CDKL4: variants seen among roughly 807,000 people sequenced by gnomAD.
CDKL4 encodes the protein cyclin-dependent kinase-like 4.
CDKL4 carries 44 observed loss-of-function variants against 42.0 expected under a neutral mutation model. That is an observed-to-expected ratio of 1.05 (90% confidence interval 0.82 to 1.35). CDKL4 has a LOEUF of 1.35. CDKL4 is among the 40% of genes most tolerant of loss of function. The pLI is 0.00. For missense variants in CDKL4, 393 were observed against 369.9 expected, an observed-to-expected ratio of 1.06 and a Z score of -0.51; for synonymous variants, 120 against 121.6, an observed-to-expected ratio of 0.99 and a Z score of 0.09.
intron 3 of CDKL4, among the ~76,000 whole-genome samples, chr2:39,218,564 A>G (rs1678092909): frequency 6.6e-6 from 1 of 152,190 alleles, no homozygotes; most frequent in Non-Finnish European, 1.5e-5. Context: ...GAAGGGATTC[A>G]CATTTGAATC....
intron 3 of CDKL4, among the ~76,000 whole-genome samples, chr2:39,220,208 ACTTCT>A (rs1678217525): frequency 1.3e-5 from 2 of 152,118 alleles, no homozygotes; most frequent in African/African-American, 4.8e-5. Flanking sequence ...TTCCTTCCAA[ACTTCT>A]CTTCTCATAG....
At chr2:39,215,040 C>G (rs1475310885) in intron 3 of CDKL4, among the ~76,000 whole-genome samples, 1 of 152,132 alleles carries the variant, frequency 6.6e-6, no homozygotes, top group Non-Finnish European at 1.5e-5. Context: ...CATGATGATG[C>G]CTTCACATTT....
At chr2:39,181,647 G>T (rs900944933) in intron 8 of CDKL4, among the ~76,000 whole-genome samples, 1 of 152,182 alleles carries the variant, frequency 6.6e-6, no homozygotes, top group Non-Finnish European at 1.5e-5. Context: ...TAATGGCATG[G>T]AGTACACCCC....
At chr2:39,226,006 A>C in intron 2 of CDKL4, 46 bp from the exon 3 acceptor site, 1 of 1,583,858 alleles carries the variant, frequency 6.3e-7, no homozygotes, top group Non-Finnish European at 8.6e-7. Flanking sequence ...GTTACTAGTA[A>C]AAGCTTCTAC....
At chr2:39,210,734 A>G (rs1200917743) in intron 4 of CDKL4, among the ~76,000 whole-genome samples, 1 of 152,208 alleles carries the variant, frequency 6.6e-6, no homozygotes, top group Non-Finnish European at 1.5e-5. Context: ...AGCAACTTTG[A>G]TATCTCCTAT....
At chr2:39,225,231 C>T (rs1250903882) in intron 3 of CDKL4, among the ~76,000 whole-genome samples, 1 of 151,978 alleles carries the variant, frequency 6.6e-6, no homozygotes, top group Non-Finnish European at 1.5e-5. Flanking sequence ...GAAACCCCGT[C>T]TCTACTAAAA....
chr2:39,169,639 A>T, the CDKL4 span, among the ~76,000 whole-genome samples: 2,448 of 152,268 alleles, frequency 0.016, 70 homozygotes, highest in African/African-American at 0.054. Context: ...CTACTCTCTT[A>T]TTTTACAAAT....
intron 5 of CDKL4, among the ~76,000 whole-genome samples, chr2:39,192,583 G>GGCCTGTAC (rs1172948350): frequency 1.3e-5 from 2 of 149,782 alleles, no homozygotes; most frequent in African/African-American, 4.9e-5. Context: ...ATGTTGCTCA[G>GGCCTGTAC]GCCTGTACAA....
chr2:39,179,280 G>C (rs1558542188), exon 9 of CDKL4: 2 of 1,611,542 alleles, frequency 1.2e-6, no homozygotes, highest in Non-Finnish European at 1.7e-6. Flanking sequence ...CCAGGAGTTG[G>C]GAACAGGTTA....
intron 1 of CDKL4, among the ~76,000 whole-genome samples, chr2:39,238,400 T>G (rs1679478186): frequency 6.6e-6 from 1 of 152,152 alleles, no homozygotes; most frequent in African/African-American, 2.4e-5. Context: ...GCCACTGCAC[T>G]CTAGCCTAGG....
chr2:39,238,961 A>G (rs970402232), intron 1 of CDKL4, among the ~76,000 whole-genome samples: 4 of 152,232 alleles, frequency 2.6e-5, no homozygotes, highest in African/African-American at 9.6e-5. Context: ...CATGTTGGCC[A>G]GGCTGATCTT....
chr2:39,190,417 A>G (rs939257352), exon 6 of CDKL4: 33 of 1,614,012 alleles, frequency 2.0e-5, no homozygotes, highest in Non-Finnish European at 2.7e-5. Context: ...TATCGACTGA[A>G]GAACCATACT....
intron 1 of CDKL4, among the ~76,000 whole-genome samples, chr2:39,241,562 G>A (rs890463307): frequency 2.0e-5 from 3 of 152,102 alleles, no homozygotes; most frequent in African/African-American, 4.8e-5. Flanking sequence ...AGTTCTGTAC[G>A]CCGTGGCCCC....
intron 8 of CDKL4, among the ~76,000 whole-genome samples, chr2:39,182,736 G>A (rs1307784482): frequency 6.6e-6 from 1 of 152,190 alleles, no homozygotes; most frequent in Non-Finnish European, 1.5e-5. Flanking sequence ...AGCTGAAGCT[G>A]ATATAGTGAT....
At chr2:39,176,563 A>G (rs192767665) in intron 9 of CDKL4, among the ~76,000 whole-genome samples, 1 of 152,288 alleles carries the variant, frequency 6.6e-6, no homozygotes, top group Non-Finnish European at 1.5e-5. Flanking sequence ...CCTCCCAAGT[A>G]GCTGAGATTA....
chr2:39,206,469 G>C (rs1190225929), intron 4 of CDKL4, among the ~76,000 whole-genome samples: 1 of 152,208 alleles, frequency 6.6e-6, no homozygotes, highest in Non-Finnish European at 1.5e-5. Flanking sequence ...CGCTGGACAG[G>C]AGCGGCCCGG....
chr2:39,223,703 C>T (rs1678520365), intron 3 of CDKL4, among the ~76,000 whole-genome samples: 1 of 150,860 alleles, frequency 6.6e-6, no homozygotes, highest in South Asian at 2.1e-4. Flanking sequence ...GCCTTCACCT[C>T]TTGAGCTCAA....
At chr2:39,203,400 TC>T (rs2148331420) in intron 5 of CDKL4, among the ~76,000 whole-genome samples, 1 of 152,038 alleles carries the variant, frequency 6.6e-6, no homozygotes, top group African/African-American at 2.4e-5. Flanking sequence ...GTAGGTTTTT[TC>T]ACTTATTTTT....
At chr2:39,178,157 A>G (rs1675248168) in intron 9 of CDKL4, among the ~76,000 whole-genome samples, 1 of 152,216 alleles carries the variant, frequency 6.6e-6, no homozygotes, top group Non-Finnish European at 1.5e-5. Context: ...TAATCAAAAT[A>G]TGGATACCTA....
Sources: gnomAD v4.1 joint callset for allele counts (sites outside exome capture counted in the v4.1 genomes callset) on GRCh38, gnomAD v4.1.1 for gene constraint, MANE v1.5 for transcripts, NCBI Gene and HGNC (gene_info 2026-07-23, HGNC 2026-07-21) for gene names.